The following SH3RF3 variants were observed in gnomAD, a reference collection of about 807,000 sequenced individuals.
The protein encoded by SH3RF3 is E3 ubiquitin-protein ligase SH3RF3.
SH3RF3 carries 29 observed loss-of-function variants against 66.3 expected under a neutral mutation model. That is an observed-to-expected ratio of 0.44 (90% CI 0.33 to 0.60). SH3RF3 has a LOEUF of 0.60. SH3RF3 is among the 20% of genes least tolerant of loss of function. SH3RF3 has a pLI of 0.04. For synonymous variants in SH3RF3, 583 were observed against 532.0 expected, an observed-to-expected ratio of 1.10 and a Z score of -1.32; for missense variants, 1,194 against 1,190.9, an observed-to-expected ratio of 1.00 and a Z score of -0.04.
intron 1 of SH3RF3, among the ~76,000 whole-genome samples, chr2:109,335,082 G>A (rs1353647782): frequency 6.6e-6 from 1 of 152,222 alleles, no homozygotes; most frequent in African/African-American, 2.4e-5. Context: ...GATCATGGTG[G>A]TCATACCACT....
rs891516466 is a variant in SH3RF3 at position 109,471,079 on chromosome 2, G to A, written c.2149-19526G>A. 3.3e-5 allele frequency among the ~76,000 whole-genome samples: 5 copies of A among 152,110 alleles called. No individual in the cohort carries two copies. In the East Asian group the frequency reaches 7.7e-4, roughly 24 times the overall value. ...CACTAAAAACACAAAAATTAGTTGGGTGTGTTGGCAGGTGCCTCTAATCCC... is the reference window on the plus strand; with the variant it reads ...CACTAAAAACACAAAAATTAGTTGGATGTGTTGGCAGGTGCCTCTAATCCC... On this transcript the variant is annotated intron_variant, in intron 8 of 9. Transcript: ENST00000309415.
intron 1 of SH3RF3, among the ~76,000 whole-genome samples, chr2:109,136,843 C>T (rs1234242026): frequency 6.6e-6 from 1 of 152,124 alleles, no homozygotes; most frequent in Admixed American, 6.5e-5. Flanking sequence ...ATGCTTGCAC[C>T]GGGGCACCTG....
intron 1 of SH3RF3, among the ~76,000 whole-genome samples, chr2:109,239,107 C>G (rs920779021): frequency 4.6e-5 from 7 of 152,208 alleles, no homozygotes; most frequent in African/African-American, 1.7e-4. Context: ...ACGTCCAAGA[C>G]ACGTCTTTTC....
chr2:109,452,018 T>C (rs1386437038), intron 8 of SH3RF3, among the ~76,000 whole-genome samples: 1 of 152,190 alleles, frequency 6.6e-6, no homozygotes, highest in African/African-American at 2.4e-5. Flanking sequence ...TGCTTTTCAT[T>C]CCCACCTCTC....
In SH3RF3 at chr2:109,288,837, T is replaced by C. The variant is rs1681098174; in HGVS notation, c.574-58837T>C. Among the ~76,000 whole-genome samples, 8 of 152,184 alleles carry C rather than the reference T, an allele frequency of 5.3e-5. No individual in the cohort carries two copies. The South Asian group carries it at 1.7e-3, about 32-fold the overall frequency. On this transcript the variant is annotated intron_variant, in intron 1 of 9. Coordinates refer to ENST00000309415, the MANE Select transcript of SH3RF3 (RefSeq NM_001099289.3). ...TTTCTTATTTAGTAGCTTCTGGAAATCTTTATGCCCATGTGGTAGAAAAAC... is the reference window on the plus strand; with the variant it reads ...TTTCTTATTTAGTAGCTTCTGGAAACCTTTATGCCCATGTGGTAGAAAAAC...
chr2:109,388,340 A>T (rs1025779833), intron 3 of SH3RF3, among the ~76,000 whole-genome samples: 1 of 152,166 alleles, frequency 6.6e-6, no homozygotes, highest in African/African-American at 2.4e-5. Context: ...CATGGAACAC[A>T]TCCTAAAGAA....
chr2:109,269,469 C>T (rs13415454), intron 1 of SH3RF3, among the ~76,000 whole-genome samples: 6,141 of 152,244 alleles, frequency 0.04, 407 homozygotes, highest in African/African-American at 0.14. Flanking sequence ...TGACTTTAAG[C>T]ACCAGGTAGT....
chr2:109,360,323 C>CCAGAGT, intron 2 of SH3RF3, among the ~76,000 whole-genome samples: 1 of 152,222 alleles, frequency 6.6e-6, no homozygotes, highest in Admixed American at 6.5e-5. Context: ...GCATATAAAT[C>CCAGAGT]CAGAGTCAGA....
intron 1 of SH3RF3, among the ~76,000 whole-genome samples, chr2:109,192,785 C>T (rs193231054): frequency 9.2e-5 from 14 of 152,304 alleles, no homozygotes; most frequent in East Asian, 3.9e-4. Context: ...CAGTGACAGA[C>T]GAGTTCAGAC....
chr2:109,463,517 A>G (rs1260458669), intron 8 of SH3RF3, among the ~76,000 whole-genome samples: 1 of 152,178 alleles, frequency 6.6e-6, no homozygotes, highest in East Asian at 1.9e-4. Context: ...TGTTTCTCAT[A>G]GTCGTGGTGA....
chr2:109,290,610 C>T (rs1318625525), intron 1 of SH3RF3, among the ~76,000 whole-genome samples: 1 of 152,244 alleles, frequency 6.6e-6, no homozygotes, highest in Non-Finnish European at 1.5e-5. Flanking sequence ...CCTAAGTCTT[C>T]TTGAAGCCTC....
intron 1 of SH3RF3, among the ~76,000 whole-genome samples, chr2:109,228,764 TC>T (rs1679432016): frequency 6.6e-6 from 1 of 152,098 alleles, no homozygotes. Context: ...GGGGCTTCCG[TC>T]TCTGTGGAGT....
At chr2:109,176,514 T>C (rs1024378238) in intron 1 of SH3RF3, among the ~76,000 whole-genome samples, 7 of 152,150 alleles carry the variant, frequency 4.6e-5, no homozygotes. Context: ...GGAGGATCAC[T>C]TCAGTCCAGG....
chr2:109,333,182 G>T (rs1046164843), intron 1 of SH3RF3, among the ~76,000 whole-genome samples: 1 of 152,208 alleles, frequency 6.6e-6, no homozygotes, highest in African/African-American at 2.4e-5. Flanking sequence ...CCTGCACCTC[G>T]GAAAGGCATG....
intron 3 of SH3RF3, among the ~76,000 whole-genome samples, chr2:109,389,663 G>A (rs947682545): frequency 1.3e-5 from 2 of 152,138 alleles, no homozygotes; most frequent in Admixed American, 1.3e-4. Flanking sequence ...TAACTTGTTA[G>A]TTTTAATTTC....
chr2:109,331,442 T>G (rs776505124), intron 1 of SH3RF3, among the ~76,000 whole-genome samples: 4 of 152,180 alleles, frequency 2.6e-5, no homozygotes, highest in Admixed American at 6.5e-5. Context: ...GGTTTGCAAC[T>G]TCTCCCTGCC....
chr2:109,166,584 T>C (rs1430262475), intron 1 of SH3RF3, among the ~76,000 whole-genome samples: 2 of 152,152 alleles, frequency 1.3e-5, no homozygotes, highest in Non-Finnish European at 2.9e-5. Flanking sequence ...GAAAAGATTA[T>C]TCAGAAAAAA....
chr2:109,499,000 C>T (rs1002959692), intron 9 of SH3RF3, among the ~76,000 whole-genome samples: 2 of 152,156 alleles, frequency 1.3e-5, no homozygotes, highest in Non-Finnish European at 2.9e-5. Context: ...AATGCTGGGG[C>T]GTTTAGACTG....
At chr2:109,466,674 CAT>C (rs1431431708) in intron 8 of SH3RF3, among the ~76,000 whole-genome samples, 10 of 152,144 alleles carry the variant, frequency 6.6e-5, no homozygotes, top group Non-Finnish European at 1.0e-4. Context: ...TAGATTTTTC[CAT>C]ATGTTATCTT....
Sources: allele counts gnomAD v4.1 joint callset (sites outside exome capture counted in the v4.1 genomes callset), GRCh38; gene constraint gnomAD v4.1.1; transcripts MANE v1.5; gene names NCBI Gene and HGNC (gene_info 2026-07-23, HGNC 2026-07-21).